ABLIM1: variants seen among roughly 807,000 people sequenced by gnomAD.
ABLIM1 encodes the protein actin binding LIM protein 1.
In ABLIM1, 40 loss-of-function variants were observed where a neutral mutation model predicts 107.0. That is an observed-to-expected ratio of 0.37 (90% CI 0.29 to 0.49). The LOEUF is 0.49. Ranked by LOEUF, ABLIM1 falls within the 20% of genes least tolerant of loss-of-function variation. ABLIM1 has a pLI of 0.97. For synonymous variants in ABLIM1, 357 were observed against 357.3 expected (o/e 1.00, Z 0.01); for missense variants, 857 against 1,008.5 (o/e 0.85, Z 2.04).
intron 6 of ABLIM1, among the ~76,000 whole-genome samples, chr10:114,538,029 G>A (rs143492599): frequency 6.6e-6 from 1 of 152,182 alleles, no homozygotes; most frequent in East Asian, 1.9e-4. Context: ...GCTCACTAGA[G>A]AATAGCTTAG....
the ABLIM1 span, among the ~76,000 whole-genome samples, chr10:114,793,377 CT>C: frequency 6.6e-6 from 1 of 152,034 alleles, no homozygotes; most frequent in Non-Finnish European, 1.5e-5. Context: ...CCTGCTCCCC[CT>C]TTGCCTTCCA....
chr10:114,615,730 CT>C, intron 1 of ABLIM1: 1 of 332,146 alleles, frequency 3.0e-6, no homozygotes. Flanking sequence ...CCAACAGTGT[CT>C]ACTATCAGTT....
At chr10:114,536,701 A>T (rs1159982985) in intron 6 of ABLIM1, among the ~76,000 whole-genome samples, 8 of 152,260 alleles carry the variant, frequency 5.3e-5, no homozygotes, top group Non-Finnish European at 1.0e-4. Context: ...TCTCCAGTTT[A>T]TTGTCAAGTG....
rs920975711 is a variant in ABLIM1 at position 114,731,179 on chromosome 10, C to T, written c.-213+36882G>A. Among the ~76,000 whole-genome samples, 11 of 152,062 alleles carry T rather than the reference C, an allele frequency of 7.2e-5. No homozygotes were observed. The East Asian group carries it at 7.7e-4, about 11-fold the overall frequency. ...TGTTTGAGCTGGAGTCTCACTCTGTCGCCCAGGCTGGAGTGCAGTGGCATG... is the reference window on the plus strand; with the variant it reads ...TGTTTGAGCTGGAGTCTCACTCTGTTGCCCAGGCTGGAGTGCAGTGGCATG... On this transcript the variant is annotated intron_variant, in intron 1 of 15. Transcript: ENST00000651092.
chr10:114,506,668 T>C (rs527441679), intron 6 of ABLIM1, among the ~76,000 whole-genome samples: 1 of 152,356 alleles, frequency 6.6e-6, no homozygotes, highest in East Asian at 1.9e-4. Flanking sequence ...TTTTGAGAAG[T>C]ATCTGCCCAG....
rs11813881 is a variant in ABLIM1, at chr10:114,720,864, C to T, written c.-213+47197G>A. The stretch of plus-strand genomic sequence containing the variant: ...CCTGCCACTTACTTTCAGTCTTCAC[C>T]ACTCCAACTGTGCAAATAAACAAGC... On this transcript the variant is annotated intron_variant, in intron 1 of 15. Transcript: ENST00000651092. 1.0e-2 allele frequency among the ~76,000 whole-genome samples: 1,520 copies of T among 152,304 alleles called. 25 individuals carry two copies. Among genetic ancestry groups the T allele is most frequent in the African/African-American group, 0.033 (1,386 of 41,568 alleles).
At chr10:114,525,624 A>G (rs1040774427) in intron 6 of ABLIM1, among the ~76,000 whole-genome samples, 9 of 152,232 alleles carry the variant, frequency 5.9e-5, no homozygotes, top group African/African-American at 2.2e-4. Context: ...ATAGAATGGC[A>G]ACAATTATAT....
Position 114,491,012 on chromosome 10 carries a change from G to GTGTATATATATATATATATATA in ABLIM1, c.982+778_982+779insTATATATATATATATATATACA. On this transcript the variant is annotated intron_variant, in intron 7 of 22. Transcript: ENST00000533213. ...TGTGTGTGTGTGTGTGTGTGTGTGT[G>GTGTATATATATATATATATATA]TATATATATATATGGTCTATTTTAT... Among the ~76,000 whole-genome samples the GTGTATATATATATATATATATA allele has an allele frequency of 7.6e-5, 7 of 92,382 alleles. No individual in the cohort carries two copies. In the East Asian group the frequency reaches 1.5e-3, roughly 20 times the overall value. The allele number at this position is 92,382 out of a possible 152,430, so 60.6% of individuals were successfully genotyped here.
At chr10:114,480,418 G>A (rs2057164650) in intron 8 of ABLIM1, among the ~76,000 whole-genome samples, 1 of 152,200 alleles carries the variant, frequency 6.6e-6, no homozygotes, top group Non-Finnish European at 1.5e-5. Context: ...AAGGACTTAT[G>A]GCTAACATAC....
chr10:114,713,886 G>A (rs1420118998), intron 1 of ABLIM1, among the ~76,000 whole-genome samples: 1 of 152,124 alleles, frequency 6.6e-6, no homozygotes, highest in African/African-American at 2.4e-5. Flanking sequence ...AGATTGAATG[G>A]CAACGAAGAG....
At chr10:114,706,644 G>C (rs2081428192) in intron 1 of ABLIM1, among the ~76,000 whole-genome samples, 4 of 152,212 alleles carry the variant, frequency 2.6e-5, no homozygotes, top group Admixed American at 2.6e-4. Context: ...TGAAGCCTGA[G>C]GCTAAAGACG....
At chr10:114,535,680 T>G (rs954200020) in intron 6 of ABLIM1, among the ~76,000 whole-genome samples, 3 of 152,212 alleles carry the variant, frequency 2.0e-5, no homozygotes, top group Admixed American at 6.5e-5. Context: ...GATAGCTAGA[T>G]AGGTAGATGT....
rs56365247 is a variant in ABLIM1, at chr10:114,607,539, G to A, written c.245-5578C>T. Among the ~76,000 whole-genome samples, 1,227 of 152,288 alleles carry A rather than the reference G, an allele frequency of 8.1e-3. 22 individuals carry two copies. The highest frequency in any genetic ancestry group is 0.028 in the African/African-American group (1,169 of 41,564). On this transcript the variant is annotated intron_variant, in intron 1 of 22. Transcript: ENST00000533213. ...GAGAAATCTGACAGACAATGCCCCA[G>A]CCACATGAGCAAGGTAAACATCAAC...
At chr10:114,782,696 T>C in the ABLIM1 span, among the ~76,000 whole-genome samples, 2 of 152,096 alleles carry the variant, frequency 1.3e-5, no homozygotes, top group African/African-American at 4.8e-5. Context: ...ACATGGAGAA[T>C]GGATTCGAGG....
intron 1 of ABLIM1, among the ~76,000 whole-genome samples, chr10:114,702,038 C>T (rs2081317478): frequency 6.6e-6 from 1 of 152,046 alleles, no homozygotes; most frequent in Non-Finnish European, 1.5e-5. Context: ...CAAACATATG[C>T]AAAGTAAAAA....
chr10:114,512,063 G>A (rs2061950217), intron 6 of ABLIM1, among the ~76,000 whole-genome samples: 1 of 152,216 alleles, frequency 6.6e-6, no homozygotes, highest in African/African-American at 2.4e-5. Flanking sequence ...CAGTAAAGCT[G>A]CTTGGTACCA....
At chr10:114,439,844 A>G in intron 20 of ABLIM1, 1 of 599,532 alleles carries the variant, frequency 1.7e-6, no homozygotes, top group Non-Finnish European at 2.9e-6. Flanking sequence ...CCAAGGCCAA[A>G]GCAAGAGAGA....
intron 1 of ABLIM1, among the ~76,000 whole-genome samples, chr10:114,670,844 A>G (rs2080223821): frequency 1.3e-5 from 2 of 152,244 alleles, no homozygotes; most frequent in Non-Finnish European, 1.5e-5. Flanking sequence ...AGATCACATT[A>G]CATATGCAAT....
rs565435795 is a variant in ABLIM1 at position 114,603,088 on chromosome 10, A to G, written c.245-1127T>C. The stretch of plus-strand genomic sequence containing the variant: ...GAATGACATGAGCATTATATGGGAC[A>G]AGAACATTGAACCTAAAATTAATCA... On this transcript the variant is annotated intron_variant, in intron 1 of 22. Transcript: ENST00000533213. Among the ~76,000 whole-genome samples, 3 of 152,370 alleles carry G rather than the reference A, an allele frequency of 2.0e-5. No homozygotes were observed. In the East Asian group the frequency reaches 5.8e-4, roughly 29 times the overall value.
Sources: allele counts gnomAD v4.1 joint callset (sites outside exome capture counted in the v4.1 genomes callset), GRCh38; gene constraint gnomAD v4.1.1; transcripts MANE v1.5; gene names NCBI Gene and HGNC (gene_info 2026-07-23, HGNC 2026-07-21).